STAMBP: variants seen among roughly 807,000 people sequenced by gnomAD.
STAMBP encodes STAM binding protein, also known as STAM-binding protein.
STAMBP carries 31 observed loss-of-function variants against 50.7 expected under a neutral mutation model. The ratio of observed to expected loss-of-function variants is 0.61; its 90% CI spans 0.46 to 0.83. The LOEUF is 0.83. STAMBP is among the 40% of genes least tolerant of loss of function. The pLI is 0.00. For synonymous variants in STAMBP, 211 were observed against 192.4 expected (o/e 1.10, Z -0.80); for missense variants, 472 against 518.9 (o/e 0.91, Z 0.88).
Position 73,830,883 on chromosome 2 carries a change from C to T in STAMBP, c.27C>T (p.Leu9=), listed in dbSNP as rs752768984. The T allele has an allele frequency of 8.7e-6, 14 of 1,613,462 alleles. No individual in the cohort carries two copies. In the East Asian group the frequency reaches 8.9e-5, roughly 10 times the overall value. The change falls in exon 2 of 10, where the codon CTC becomes CTT. Residue 9 remains leucine (L), a synonymous_variant. Coordinates refer to ENST00000394070, the MANE Select transcript of STAMBP (RefSeq NM_213622.4). MSDHGDVS[L]PPEDRVRALS... is the part of the protein sequence containing the mutation. ...TGTCTGACCATGGAGATGTGAGCCT[C>T]CCGCCCGAAGACCGGGTGAGGGCTC...
intron 2 of STAMBP, among the ~76,000 whole-genome samples, chr2:73,833,607 A>G (rs747595762): frequency 2.2e-4 from 33 of 152,142 alleles, no homozygotes; most frequent in Non-Finnish European, 3.7e-4. Context: ...GAGAAACACT[A>G]ATTCAGAAAG....
intron 2 of STAMBP, among the ~76,000 whole-genome samples, chr2:73,833,395 G>T (rs1360630368): frequency 6.6e-6 from 1 of 151,868 alleles, no homozygotes; most frequent in Non-Finnish European, 1.5e-5. Flanking sequence ...ATGTTGTTAA[G>T]GTTTCATAAA....
chr2:73,849,035 G>C (rs1010385972), intron 5 of STAMBP, among the ~76,000 whole-genome samples: 14 of 152,098 alleles, frequency 9.2e-5, no homozygotes, highest in African/African-American at 3.4e-4. Context: ...TTTATCCTTT[G>C]AGTTACAAAC....
chr2:73,847,235 TAA>T (rs1676225011), intron 4 of STAMBP, 150 bp from the exon 5 acceptor site: 4 of 950,576 alleles, frequency 4.2e-6, no homozygotes. Context: ...TCCGTGGGTA[TAA>T]AGATACTGAG....
intron 3 of STAMBP, 76 bp from the exon 4 acceptor site, chr2:73,845,091 A>C: frequency 6.3e-7 from 1 of 1,587,688 alleles, no homozygotes; most frequent in East Asian, 2.2e-5. Flanking sequence ...GCAGTCACCA[A>C]CTTGACTTAA....
chr2:73,836,890 G>A (rs1394575825), intron 2 of STAMBP, among the ~76,000 whole-genome samples: 1 of 152,204 alleles, frequency 6.6e-6, no homozygotes, highest in East Asian at 1.9e-4. Context: ...CTGCTGCCCT[G>A]TAGGACTAGG....
At chr2:73,834,977 G>A (rs1286140075) in intron 2 of STAMBP, among the ~76,000 whole-genome samples, 1 of 152,164 alleles carries the variant, frequency 6.6e-6, no homozygotes, top group Non-Finnish European at 1.5e-5. Context: ...AGGACTTTAT[G>A]GGCCATGGTA....
rs1409742094 is a variant in STAMBP, at chr2:73,847,388, A to G, written c.377A>G (p.Lys126Arg). Residue 126 changes from lysine to arginine, a missense_variant and splice_region_variant, in exon 5 of 10, where the codon AAG becomes AGG. Transcript: ENST00000394070. The part of the protein sequence containing the change: ...KEYTEYNEEK[K>R]KEAEELARNM... ...AGCCTAAATTTTCTCTCTTTGTAGA[A>G]GAAGGAAGCAGAGGAATTGGCCCGG... 2 of 1,593,686 alleles carry G rather than the reference A, an allele frequency of 1.3e-6. No homozygotes were observed. The highest frequency in any genetic ancestry group is 8.6e-7 in the Non-Finnish European group (1 of 1,169,018).
At chr2:73,859,908 G>A (rs969651286) in intron 8 of STAMBP, 144 bp from the exon 9 acceptor site, 5 of 595,756 alleles carry the variant, frequency 8.4e-6, no homozygotes, top group African/African-American at 3.8e-5. Context: ...GAAGAGACCT[G>A]TGAGGCAGCA....
Position 73,844,808 on chromosome 2 carries a change from C to G in STAMBP, c.204-5C>G, listed in dbSNP as rs746354315. The G allele has an allele frequency of 2.5e-6, 4 of 1,612,726 alleles. No individual in the cohort carries two copies. The highest frequency in any genetic ancestry group is 2.5e-6 in the Non-Finnish European group (3 of 1,178,968). On this transcript the variant is annotated splice_polypyrimidine_tract_variant and splice_region_variant and intron_variant, in intron 2 of 9. Coordinates refer to ENST00000394070, the MANE Select transcript of STAMBP (RefSeq NM_213622.4). ...CTTCATAATCATTTTGAACTGTTTC[C>G]TTAGGCTCTTTATTGAGAAACTACC... is the stretch of plus-strand genomic sequence containing the variant.
intron 7 of STAMBP, among the ~76,000 whole-genome samples, chr2:73,856,928 C>A (rs192399920): frequency 5.5e-4 from 83 of 152,260 alleles, no homozygotes; most frequent in Admixed American, 3.0e-3. Context: ...TCTCACACCC[C>A]ACAAGACCCA....
chr2:73,835,833 G>A (rs908143864), intron 2 of STAMBP, among the ~76,000 whole-genome samples: 2 of 152,138 alleles, frequency 1.3e-5, no homozygotes, highest in African/African-American at 4.8e-5. Flanking sequence ...AATTTGAGAT[G>A]CCTGTGAGAT....
chr2:73,871,606 G>A (rs1389158545), downstream of STAMBP, among the ~76,000 whole-genome samples: 2 of 151,764 alleles, frequency 1.3e-5, no homozygotes, highest in Non-Finnish European at 2.9e-5. Context: ...TAAAACTGGT[G>A]TTCAGGTACA....
At chr2:73,834,675 TAAGAG>T (rs920689915) in intron 2 of STAMBP, among the ~76,000 whole-genome samples, 2 of 151,978 alleles carry the variant, frequency 1.3e-5, no homozygotes, top group African/African-American at 4.8e-5. Flanking sequence ...GGAAAATACT[TAAGAG>T]TACTGTGATA....
rs1373461876 is a variant in STAMBP at position 73,844,896 on chromosome 2, T to G, written c.279+8T>G. On this transcript the variant is annotated splice_region_variant and intron_variant, in intron 3 of 9. Coordinates refer to ENST00000394070, the MANE Select transcript of STAMBP (RefSeq NM_213622.4). ...AAGAAAGACACAGTAAAGGTGGGTC[T>G]TCACTTTCATTGTTGCCCATCTAAA... 6.2e-7 allele frequency: 1 copy of G among 1,612,946 alleles called. No individual in the cohort carries two copies. The highest frequency in any genetic ancestry group is 1.3e-5 in the African/African-American group (1 of 74,892).
chr2:73,844,735 TA>T, intron 2 of STAMBP, 77 bp from the exon 3 acceptor site: 1 of 1,224,040 alleles, frequency 8.2e-7, no homozygotes, highest in Non-Finnish European at 1.2e-6. Context: ...GGCTTCAGGA[TA>T]AGGGGGTTGC....
chr2:73,858,275 A>G (rs1184403635), intron 7 of STAMBP, among the ~76,000 whole-genome samples: 2 of 142,692 alleles, frequency 1.4e-5, no homozygotes, highest in Non-Finnish European at 3.0e-5. Context: ...AATAGCTGAG[A>G]TTACAGGTGC....
chr2:73,838,684 C>A (rs1479537642), intron 2 of STAMBP, among the ~76,000 whole-genome samples: 1 of 152,118 alleles, frequency 6.6e-6, no homozygotes, highest in South Asian at 2.1e-4. Context: ...AACAGCAAGA[C>A]TGATATGGGG....
At chr2:73,854,215 G>A (rs1677248813) in intron 7 of STAMBP, among the ~76,000 whole-genome samples, 1 of 152,192 alleles carries the variant, frequency 6.6e-6, no homozygotes, top group Admixed American at 6.5e-5. Flanking sequence ...TTTTTGAAAT[G>A]ATGTCTGGAG....
Sources: allele counts gnomAD v4.1 joint callset (sites outside exome capture counted in the v4.1 genomes callset), GRCh38; gene constraint gnomAD v4.1.1; transcripts MANE v1.5; gene names NCBI Gene and HGNC (gene_info 2026-07-23, HGNC 2026-07-21).